HECW1: variants seen among roughly 807,000 people sequenced by gnomAD.
The protein encoded by HECW1 is E3 ubiquitin-protein ligase HECW1.
HECW1 carries 61 observed loss-of-function variants against 182.3 expected under a neutral mutation model. The observed-to-expected ratio is 0.33, with a 90% CI of 0.27 to 0.41. HECW1 has a LOEUF of 0.41. HECW1 is among the 10% of genes least tolerant of loss of function. The probability of loss-of-function intolerance (pLI) is 1.00; values close to 1 mark genes in which losing one functional copy is unlikely to be tolerated. For synonymous variants in HECW1, 859 were observed against 832.6 expected, an observed-to-expected ratio of 1.03 and a Z score of -0.55; for missense variants, 1,739 against 2,108.9, an observed-to-expected ratio of 0.82 and a Z score of 3.44.
At chr7:43,320,593 T>C in intron 4 of HECW1, 42 bp from the exon 5 acceptor site, 1 of 1,325,106 alleles carries the variant, frequency 7.5e-7, no homozygotes, top group Non-Finnish European at 1.1e-6. Context: ...TGCTGTTGAC[T>C]GATATGTTTC....
At chr7:43,553,402 G>T (rs1001777065) in intron 28 of HECW1, among the ~76,000 whole-genome samples, 2 of 152,110 alleles carry the variant, frequency 1.3e-5, no homozygotes, top group Non-Finnish European at 2.9e-5. Flanking sequence ...GCCTAGCTGG[G>T]CATGGTGACT....
chr7:43,281,350 A>G (rs1190240903), intron 3 of HECW1, among the ~76,000 whole-genome samples: 1 of 152,240 alleles, frequency 6.6e-6, no homozygotes, highest in East Asian at 1.9e-4. Flanking sequence ...GTGTCCAACA[A>G]TAGCTGACAT....
chr7:43,372,897 A>G (rs2074167403), intron 6 of HECW1, among the ~76,000 whole-genome samples: 1 of 152,120 alleles, frequency 6.6e-6, no homozygotes, highest in African/African-American at 2.4e-5. Flanking sequence ...ACGCTCATCA[A>G]GTGATATAGA....
chr7:43,406,810 C>T (rs970368323), intron 7 of HECW1, among the ~76,000 whole-genome samples: 4 of 151,970 alleles, frequency 2.6e-5, no homozygotes, highest in South Asian at 2.1e-4. Flanking sequence ...CCCAGCTACT[C>T]GAGAGGCTGA....
intron 5 of HECW1, among the ~76,000 whole-genome samples, chr7:43,359,860 A>T (rs1815647654): frequency 2.0e-5 from 3 of 152,228 alleles, no homozygotes; most frequent in African/African-American, 7.2e-5. Context: ...TAATTTTTTT[A>T]AATTTTAAGA....
intron 3 of HECW1, among the ~76,000 whole-genome samples, chr7:43,308,286 AT>A (rs1243708087): frequency 1.6e-5 from 2 of 121,586 alleles, no homozygotes; most frequent in Non-Finnish European, 3.3e-5. Flanking sequence ...TATATGATAT[AT>A]TTATATATAT....
At chr7:43,311,496 A>G in intron 3 of HECW1, 1 of 656,592 alleles carries the variant, frequency 1.5e-6, no homozygotes, top group Non-Finnish European at 2.8e-6. Flanking sequence ...CAAGTGGGTT[A>G]GAGCCGGGAG....
In HECW1 at chr7:43,549,418, A is replaced by G. The variant is rs1039235782; in HGVS notation, c.4249-1027A>G. Among the ~76,000 whole-genome samples the G allele has an allele frequency of 5.3e-5, 8 of 152,096 alleles. 1 individual carries two copies. The highest frequency in any genetic ancestry group is 3.9e-4 in the Admixed American group (6 of 15,266). ...GTCCACAAGTGCCAAACATATATGT[A>G]TTTTTTTCTTTAAACCAGTAACTAA... On this transcript the variant is annotated intron_variant, in intron 26 of 29. Transcript: ENST00000395891.
intron 5 of HECW1, among the ~76,000 whole-genome samples, chr7:43,323,948 C>T (rs373117546): frequency 1.4e-4 from 22 of 152,176 alleles, no homozygotes; most frequent in East Asian, 1.2e-3. Context: ...GCAGGAGAAT[C>T]TCTTGAACCA....
At chr7:43,307,188 G>A (rs1337185602) in intron 3 of HECW1, among the ~76,000 whole-genome samples, 2 of 152,012 alleles carry the variant, frequency 1.3e-5, no homozygotes, top group South Asian at 2.1e-4. Flanking sequence ...TTTTTCAAGC[G>A]TCAACTAAAA....
intron 8 of HECW1, among the ~76,000 whole-genome samples, chr7:43,429,028 CATATA>C (rs941134333): frequency 2.4e-4 from 36 of 150,058 alleles, no homozygotes; most frequent in African/African-American, 7.5e-4. Flanking sequence ...ACAAATTTTA[CATATA>C]ATATACAATT....
intron 17 of HECW1, among the ~76,000 whole-genome samples, chr7:43,486,546 C>A (rs956692872): frequency 6.6e-6 from 1 of 152,236 alleles, no homozygotes; most frequent in Non-Finnish European, 1.5e-5. Flanking sequence ...CATGATCCAC[C>A]TGCCTCGGCC....
At chr7:43,297,749 A>G (rs113423662) in intron 3 of HECW1, among the ~76,000 whole-genome samples, 4 of 152,192 alleles carry the variant, frequency 2.6e-5, no homozygotes, top group Non-Finnish European at 5.9e-5. Context: ...TGGAGTCACT[A>G]GAAAACAACA....
chr7:43,246,140 TA>T (rs200748119), intron 3 of HECW1, among the ~76,000 whole-genome samples: 33,082 of 143,966 alleles, frequency 0.23, 4,528 homozygotes, highest in African/African-American at 0.39. Context: ...CTATGAAAAA[TA>T]AAAAAAAAAA....
At chr7:43,384,629 T>TA (rs893768979) in intron 6 of HECW1, among the ~76,000 whole-genome samples, 31 of 152,100 alleles carry the variant, frequency 2.0e-4, no homozygotes, top group African/African-American at 6.5e-4. Flanking sequence ...CGTTTGCCTT[T>TA]AAAAAAAATC....
chr7:43,514,958 T>G (rs78292671), intron 24 of HECW1, among the ~76,000 whole-genome samples: 3,278 of 152,236 alleles, frequency 0.022, 49 homozygotes, highest in Non-Finnish European at 0.029. Context: ...ATCATCAGGA[T>G]CTAGCCCCCA....
At chr7:43,536,333 C>A (rs758654803) in intron 24 of HECW1, among the ~76,000 whole-genome samples, 1 of 152,234 alleles carries the variant, frequency 6.6e-6, no homozygotes, top group African/African-American at 2.4e-5. Context: ...TTTCAAATTA[C>A]ACCGAAAACA....
intron 2 of HECW1, among the ~76,000 whole-genome samples, chr7:43,204,174 G>A (rs1038363725): frequency 6.6e-6 from 1 of 152,178 alleles, no homozygotes; most frequent in Non-Finnish European, 1.5e-5. Context: ...TGTCAAAGCA[G>A]CTAATTTTGT....
chr7:43,503,944 G>A (rs1342903569), intron 21 of HECW1, among the ~76,000 whole-genome samples: 1 of 152,148 alleles, frequency 6.6e-6, no homozygotes, highest in Non-Finnish European at 1.5e-5. Context: ...ATTCCACCAA[G>A]ACCACTTCTT....
Sources: gnomAD v4.1 joint callset for allele counts (sites outside exome capture counted in the v4.1 genomes callset) on GRCh38, gnomAD v4.1.1 for gene constraint, MANE v1.5 for transcripts, NCBI Gene and HGNC (gene_info 2026-07-23, HGNC 2026-07-21) for gene names.